The following RPS6KA2 variants were observed in gnomAD, a reference collection of about 807,000 sequenced individuals.
RPS6KA2 encodes ribosomal protein S6 kinase A2, also known as ribosomal protein S6 kinase alpha-2.
A neutral mutation model predicts 91.8 loss-of-function variants in RPS6KA2; 42 were observed. The observed-to-expected ratio is 0.46, with a 90% CI of 0.36 to 0.59. The LOEUF (loss-of-function observed/expected upper bound fraction) is 0.59, where lower values mean the gene tolerates loss of function less well. Ranked by LOEUF, RPS6KA2 falls within the 20% of genes least tolerant of loss-of-function variation. The pLI is 0.00. For synonymous variants in RPS6KA2, 414 were observed against 393.6 expected (o/e 1.05, Z -0.61); for missense variants, 798 against 978.5 (o/e 0.82, Z 2.46).
intron 1 of RPS6KA2, among the ~76,000 whole-genome samples, chr6:166,542,124 G>T (rs778603244): frequency 6.6e-6 from 1 of 152,098 alleles, no homozygotes; most frequent in Non-Finnish European, 1.5e-5. Flanking sequence ...CCATGGACTC[G>T]GCGCGCACTC....
rs769426021 is a variant in RPS6KA2, at chr6:166,435,531, C to T, written c.1333-3041G>A. ...TCTGTCAACAACCAAACACCACACA[C>T]CAGCTGTTCGCTGAGGTGGCATTTG... On this transcript the variant is annotated intron_variant, in intron 14 of 20. Transcript: ENST00000265678. The surrounding 1 kb of genome is among the most constrained non-coding windows in gnomAD (Gnocchi z 4.3). Among the ~76,000 whole-genome samples the T allele has an allele frequency of 3.9e-5, 6 of 152,336 alleles. No individual in the cohort carries two copies. Among genetic ancestry groups the T allele is most frequent in the Non-Finnish European group, 7.3e-5 (5 of 68,034 alleles).
At chr6:166,441,357 C>T (rs892720394) in intron 14 of RPS6KA2, among the ~76,000 whole-genome samples, 6 of 152,170 alleles carry the variant, frequency 3.9e-5, no homozygotes, top group Non-Finnish European at 5.9e-5. Flanking sequence ...ACTGCTGTTT[C>T]TCTTTGCTTC....
At chr6:166,831,844 T>C (rs1439952981) in intron 2 of RPS6KA2, among the ~76,000 whole-genome samples, 1 of 150,936 alleles carries the variant, frequency 6.6e-6, no homozygotes, top group Non-Finnish European at 1.5e-5. Flanking sequence ...ACATAGGTAA[T>C]AGATATATAG....
chr6:166,445,257 G>A lies in RPS6KA2; in HGVS notation c.1332+3467C>T, dbSNP rs1038127823. On this transcript the variant is annotated intron_variant, in intron 14 of 20. Transcript: ENST00000265678. The surrounding 1 kb of genome is among the most constrained non-coding windows in gnomAD (Gnocchi z 4.5). ...GGGGGTGGGGGGCTGCCCGCAGCAC[G>A]TGGGGAACACTGAGCTGTTGGTCGG... Among the ~76,000 whole-genome samples, 2 of 152,208 alleles carry A rather than the reference G, an allele frequency of 1.3e-5. No homozygotes were observed. The highest frequency in any genetic ancestry group is 2.1e-4 in the South Asian group (1 of 4,822).
chr6:166,674,525 G>A lies in RPS6KA2; in HGVS notation c.124-135741C>T, dbSNP rs78196882. On this transcript the variant is annotated intron_variant, in intron 2 of 21. Coordinates refer to the RPS6KA2 transcript ENST00000503859. ...AGGTCGATATCTTTAGAGGGAGACC[G>A]GGTGAGGAAAGGGCTTGGGAATTAG... Among the ~76,000 whole-genome samples the A allele has an allele frequency of 3.3e-5, 5 of 152,314 alleles. No individual in the cohort carries two copies. In the East Asian group the frequency reaches 5.8e-4, roughly 18 times the overall value.
chr6:166,634,142 C>A (rs1193393459), intron 2 of RPS6KA2, among the ~76,000 whole-genome samples: 1 of 152,202 alleles, frequency 6.6e-6, no homozygotes, highest in Non-Finnish European at 1.5e-5. Context: ...GACACACTTG[C>A]ATTTGAGAAA....
At chr6:166,569,373 G>A (rs1562585761) in intron 1 of RPS6KA2, among the ~76,000 whole-genome samples, 1 of 152,242 alleles carries the variant, frequency 6.6e-6, no homozygotes, top group African/African-American at 2.4e-5. Flanking sequence ...CTTTCCAAGT[G>A]ATGTTTACTC....
At chr6:166,638,874 T>C (rs1265656347) in intron 2 of RPS6KA2, among the ~76,000 whole-genome samples, 3 of 152,180 alleles carry the variant, frequency 2.0e-5, no homozygotes, top group African/African-American at 7.2e-5. Flanking sequence ...TAGTTTCTGT[T>C]CCTTCTGCTC....
intron 2 of RPS6KA2, among the ~76,000 whole-genome samples, chr6:166,753,890 A>T (rs1487678280): frequency 6.6e-6 from 1 of 152,248 alleles, no homozygotes; most frequent in African/African-American, 2.4e-5. Flanking sequence ...AAATTTCAAG[A>T]GAGACGACTG....
chr6:166,757,618 G>A (rs556520273), intron 2 of RPS6KA2: 77 of 455,972 alleles, frequency 1.7e-4, no homozygotes, highest in African/African-American at 8.6e-4. Context: ...TCCCCTTGCC[G>A]TCCAGCCATT....
At chr6:166,510,207 T>C in intron 4 of RPS6KA2, 70 bp downstream of exon 4, 1 of 962,264 alleles carries the variant, frequency 1.0e-6, no homozygotes, top group Middle Eastern at 2.1e-4. Context: ...GTTATTTCTT[T>C]TTCAATTTTC....
chr6:166,703,174 C>T (rs142879782), intron 2 of RPS6KA2, among the ~76,000 whole-genome samples: 81 of 152,330 alleles, frequency 5.3e-4, no homozygotes, highest in African/African-American at 1.9e-3. Flanking sequence ...TGTTTATCAC[C>T]TATGTTATAA....
chr6:166,747,725 G>A (rs1332199490), intron 2 of RPS6KA2, among the ~76,000 whole-genome samples: 3 of 152,322 alleles, frequency 2.0e-5, no homozygotes, highest in African/African-American at 2.4e-5. Flanking sequence ...TCAGAGCAGC[G>A]CTGGTGTGTG....
At chr6:166,485,089 C>T (rs981692000) in intron 10 of RPS6KA2, among the ~76,000 whole-genome samples, 4 of 152,220 alleles carry the variant, frequency 2.6e-5, no homozygotes, top group Non-Finnish European at 5.9e-5. Context: ...GTCCACCCAC[C>T]CTCTGCCACC....
chr6:166,545,482 T>C (rs1179433421), intron 1 of RPS6KA2, among the ~76,000 whole-genome samples: 1 of 152,104 alleles, frequency 6.6e-6, no homozygotes, highest in African/African-American at 2.4e-5. Context: ...TAATGTAAGG[T>C]TCCTAGAACA....
At chr6:166,766,071 A>C (rs901537899) in intron 2 of RPS6KA2, among the ~76,000 whole-genome samples, 1 of 152,206 alleles carries the variant, frequency 6.6e-6, no homozygotes, top group Admixed American at 6.5e-5. Flanking sequence ...GGGTAGCCTG[A>C]GGTGTGTAAT....
At position 166,498,603 on chromosome 6, in the gene RPS6KA2, A is replaced by G. The variant is rs756419383; in HGVS notation, c.652T>C (p.Ser218Pro). 1 of 1,613,950 alleles carries G rather than the reference A, an allele frequency of 6.2e-7. No homozygotes were observed. The highest frequency in any genetic ancestry group is 8.5e-7 in the Non-Finnish European group (1 of 1,179,992). The change falls in exon 8 of 21, where the codon TCC becomes CCC. Residue 218 changes from serine to proline, a missense_variant. Transcript: ENST00000265678. The stretch of plus-strand genomic sequence containing the variant: ...ATGTACTCGATCGTCCCGCAGAAGG[A>G]GTACGCTCTCTTGTCGTGGTCAATG... ...EAIDHDKRAY[S>P]FCGTIEYMAP...
At chr6:166,532,467 C>T (rs1410970249) in intron 2 of RPS6KA2, among the ~76,000 whole-genome samples, 1 of 152,232 alleles carries the variant, frequency 6.6e-6, no homozygotes, top group Non-Finnish European at 1.5e-5. Context: ...AAGGTCCCAG[C>T]ACAGGCATGT....
At chr6:166,769,212 T>C (rs1393136032) in intron 2 of RPS6KA2, among the ~76,000 whole-genome samples, 1 of 152,192 alleles carries the variant, frequency 6.6e-6, no homozygotes, top group Non-Finnish European at 1.5e-5. Context: ...TCATCTTTAT[T>C]TGGAGTGCCC....
Sources: gnomAD v4.1 joint callset for allele counts (sites outside exome capture counted in the v4.1 genomes callset) on GRCh38, gnomAD v4.1.1 for gene constraint, Gnocchi (gnomAD v3.1) non-coding constraint, MANE v1.5 for transcripts, NCBI Gene and HGNC (gene_info 2026-07-23, HGNC 2026-07-21) for gene names.